The following NKAIN2 variants were observed in gnomAD, a reference collection of about 807,000 sequenced individuals.
The protein encoded by NKAIN2 is sodium/potassium transporting ATPase interacting 2, also known as sodium/potassium-transporting ATPase subunit beta-1-interacting protein 2.
A neutral mutation model predicts 32.6 loss-of-function variants in NKAIN2; 14 were observed. The observed-to-expected ratio is 0.43, with a 90% CI of 0.28 to 0.67. The LOEUF (loss-of-function observed/expected upper bound fraction) is 0.67, where lower values mean the gene tolerates loss of function less well. Among genes scored for constraint, NKAIN2 ranks in the 30% least tolerant of loss-of-function variants. The pLI is 0.17. For synonymous variants in NKAIN2, 80 were observed against 87.2 expected (o/e 0.92, Z 0.46); for missense variants, 198 against 258.3 (o/e 0.77, Z 1.60).
chr6:124,752,662 G>A (rs1777777848), intron 4 of NKAIN2, among the ~76,000 whole-genome samples: 1 of 151,906 alleles, frequency 6.6e-6, no homozygotes, highest in African/African-American at 2.4e-5. Context: ...TTGTAACCAG[G>A]TAACTTGGCT....
intron 4 of NKAIN2, among the ~76,000 whole-genome samples, chr6:124,675,164 T>G (rs577921538): frequency 2.6e-4 from 39 of 152,246 alleles, no homozygotes; most frequent in African/African-American, 9.1e-4. Context: ...GTATGTTACA[T>G]TAATTGATTT....
intron 4 of NKAIN2, among the ~76,000 whole-genome samples, chr6:124,786,878 A>G (rs917393427): frequency 6.6e-6 from 1 of 152,126 alleles, no homozygotes; most frequent in African/African-American, 2.4e-5. Context: ...AGATACTCAT[A>G]TCTACTCTAA....
chr6:124,295,932 C>G lies in NKAIN2; in HGVS notation c.192+12790C>G, dbSNP rs574354738. Among the ~76,000 whole-genome samples the G allele has an allele frequency of 4.0e-5, 6 of 150,832 alleles. No individual in the cohort carries two copies. The South Asian group carries it at 8.3e-4, about 21-fold the overall frequency. On this transcript the variant is annotated intron_variant, in intron 2 of 6. Coordinates refer to ENST00000368417, the MANE Select transcript of NKAIN2 (RefSeq NM_001040214.3). ...ATGCCAATTTGTCAATCTGGTGATACCTTTTTTCTTGTAACCATTGCTACA... is the reference window on the plus strand; with the variant it reads ...ATGCCAATTTGTCAATCTGGTGATAGCTTTTTTCTTGTAACCATTGCTACA...
intron 2 of NKAIN2, among the ~76,000 whole-genome samples, chr6:124,322,611 A>G (rs919748668): frequency 6.6e-6 from 1 of 152,184 alleles, no homozygotes; most frequent in Non-Finnish European, 1.5e-5. Flanking sequence ...TCATTTCTAG[A>G]CTATTATTGA....
Position 124,241,844 on chromosome 6 carries a change from G to A in NKAIN2, c.55-41161G>A, listed in dbSNP as rs1793116164. ...GTACTATCATAATAAAAATGAAAAT[G>A]TATATGACAGAAAACTGAAACTGGA... On this transcript the variant is annotated intron_variant, in intron 1 of 6. Transcript: ENST00000368417. 2.6e-5 allele frequency among the ~76,000 whole-genome samples: 4 copies of A among 151,768 alleles called. No individual in the cohort carries two copies. In the South Asian group the frequency reaches 8.3e-4, roughly 32 times the overall value.
At chr6:124,168,494 T>A (rs551435509) in intron 1 of NKAIN2, among the ~76,000 whole-genome samples, 20 of 152,238 alleles carry the variant, frequency 1.3e-4, no homozygotes, top group African/African-American at 4.3e-4. Context: ...GGGTTATAAT[T>A]TTTTCTTTTG....
At chr6:124,414,190 A>G (rs1425192283) in intron 3 of NKAIN2, among the ~76,000 whole-genome samples, 3 of 152,122 alleles carry the variant, frequency 2.0e-5, no homozygotes, top group Admixed American at 6.5e-5. Flanking sequence ...TCTTTATTAC[A>G]TTGAAGAAGT....
At chr6:124,378,721 G>A (rs1405303412) in intron 3 of NKAIN2, among the ~76,000 whole-genome samples, 1 of 151,982 alleles carries the variant, frequency 6.6e-6, no homozygotes, top group African/African-American at 2.4e-5. Flanking sequence ...CCTGGATGGT[G>A]GGGAAGAGAA....
At chr6:124,270,424 A>T (rs1283489631) in intron 1 of NKAIN2, among the ~76,000 whole-genome samples, 5 of 152,338 alleles carry the variant, frequency 3.3e-5, no homozygotes, top group Admixed American at 3.3e-4. Context: ...TCAGAAAAAA[A>T]AAATCTGTAT....
At chr6:124,701,056 A>T (rs868723146) in intron 4 of NKAIN2, among the ~76,000 whole-genome samples, 3 of 151,814 alleles carry the variant, frequency 2.0e-5, no homozygotes, top group Middle Eastern at 3.4e-3. Flanking sequence ...AGCTTATTAT[A>T]AAATATTTTA....
Position 123,964,818 on chromosome 6 carries a change from C to T in NKAIN2, c.54+160564C>T, listed in dbSNP as rs554868467. 3.0e-4 allele frequency among the ~76,000 whole-genome samples: 46 copies of T among 152,150 alleles called. No homozygotes were observed. The highest frequency in any genetic ancestry group is 1.1e-3 in the African/African-American group (44 of 41,518). ...TGCATCCATTTCTTACCTCATGATT[C>T]GAGCTAAGCATGTTTCCTGGTTCCA... is the stretch of plus-strand genomic sequence containing the variant. On this transcript the variant is annotated intron_variant, in intron 1 of 6. Coordinates refer to ENST00000368417, the MANE Select transcript of NKAIN2 (RefSeq NM_001040214.3). This position sits in a 1 kb window ranked among gnomAD's most constrained non-coding sequence, Gnocchi z 4.0.
intron 4 of NKAIN2, among the ~76,000 whole-genome samples, chr6:124,692,205 A>G (rs1774288430): frequency 6.6e-6 from 1 of 152,192 alleles, no homozygotes; most frequent in Admixed American, 6.5e-5. Context: ...ATATTCCACT[A>G]CTATTTTTTA....
chr6:123,885,964 A>AG (rs546076835), intron 1 of NKAIN2, among the ~76,000 whole-genome samples: 238 of 151,116 alleles, frequency 1.6e-3, no homozygotes, highest in Non-Finnish European at 2.7e-3. Context: ...AAAAAAAAAA[A>AG]GAACAAGAGT....
At chr6:123,969,103 C>T (rs1778218849) in intron 1 of NKAIN2, among the ~76,000 whole-genome samples, 1 of 152,072 alleles carries the variant, frequency 6.6e-6, no homozygotes, top group Non-Finnish European at 1.5e-5. Context: ...ATAATTTTAA[C>T]CCAATCTCAG....
At chr6:124,710,830 A>T in intron 4 of NKAIN2, among the ~76,000 whole-genome samples, 1 of 149,422 alleles carries the variant, frequency 6.7e-6, no homozygotes, top group Non-Finnish European at 1.5e-5. Flanking sequence ...GTCCATTTAC[A>T]TTTAAAGTTA....
At chr6:124,351,508 CAAA>C (rs397956239) in intron 2 of NKAIN2, among the ~76,000 whole-genome samples, 45 of 109,018 alleles carry the variant, frequency 4.1e-4, no homozygotes, top group African/African-American at 1.3e-3. Flanking sequence ...TCAAAAAAAC[CAAA>C]AAAAAAAAAA....
intron 1 of NKAIN2, among the ~76,000 whole-genome samples, chr6:123,910,300 T>C (rs1051072144): frequency 6.6e-6 from 1 of 152,178 alleles, no homozygotes; most frequent in East Asian, 1.9e-4. Flanking sequence ...GCAGATTCTT[T>C]GTTAGCCATT....
intron 2 of NKAIN2, among the ~76,000 whole-genome samples, chr6:124,314,536 C>T (rs138815785): frequency 6.6e-6 from 1 of 152,220 alleles, no homozygotes; most frequent in African/African-American, 2.4e-5. Context: ...AATGATGTTG[C>T]AAATAAAGCC....
chr6:124,621,550 T>C (rs1010741670), intron 3 of NKAIN2, among the ~76,000 whole-genome samples: 1 of 152,158 alleles, frequency 6.6e-6, no homozygotes, highest in South Asian at 2.1e-4. Context: ...GAGCTAGGGT[T>C]TCTTTCTCAG....
Sources: allele counts gnomAD v4.1 joint callset (sites outside exome capture counted in the v4.1 genomes callset), GRCh38; gene constraint gnomAD v4.1.1; non-coding constraint Gnocchi (gnomAD v3.1); transcripts MANE v1.5; gene names NCBI Gene and HGNC (gene_info 2026-07-23, HGNC 2026-07-21).